The following HFM1 variants were observed in gnomAD, a reference collection of about 807,000 sequenced individuals.
HFM1 encodes the protein helicase for meiosis 1, also known as probable ATP-dependent DNA helicase HFM1.
A neutral mutation model predicts 192.1 loss-of-function variants in HFM1; 169 were observed. The observed-to-expected ratio is 0.88, with a 90% CI of 0.78 to 1.00. The LOEUF is 1.00. Ranked by LOEUF, HFM1 falls within the 50% of genes least tolerant of loss-of-function variation. The pLI is 0.00. For missense variants in HFM1, 1,661 were observed against 1,668.0 expected (o/e 1.00, Z 0.07); for synonymous variants, 525 against 537.8 (o/e 0.98, Z 0.33).
chr1:91,284,386 G>C (rs566024913), intron 30 of HFM1, among the ~76,000 whole-genome samples: 1 of 151,874 alleles, frequency 6.6e-6, no homozygotes, highest in Non-Finnish European at 1.5e-5. Flanking sequence ...GTATTACATG[G>C]GATTACAGGT....
At chr1:91,330,323 T>C (rs1653625623) in intron 20 of HFM1, among the ~76,000 whole-genome samples, 1 of 151,978 alleles carries the variant, frequency 6.6e-6, no homozygotes, top group African/African-American at 2.4e-5. Flanking sequence ...AAGGAGGCAT[T>C]ACAACTGATA....
At chr1:91,376,596 T>C (rs1274268200) in intron 11 of HFM1, among the ~76,000 whole-genome samples, 1 of 151,572 alleles carries the variant, frequency 6.6e-6, no homozygotes, top group Non-Finnish European at 1.5e-5. Context: ...AGTATTCCAA[T>C]GTGAAAAAAA....
chr1:91,391,385 T>C (rs572522875), intron 4 of HFM1, among the ~76,000 whole-genome samples: 2 of 152,338 alleles, frequency 1.3e-5, no homozygotes, highest in South Asian at 2.1e-4. Context: ...AACAGCATGA[T>C]ACTGGTACCA....
intron 30 of HFM1, among the ~76,000 whole-genome samples, chr1:91,306,522 T>TCTC (rs1649640172): frequency 6.6e-6 from 1 of 152,156 alleles, no homozygotes; most frequent in Non-Finnish European, 1.5e-5. Flanking sequence ...ATGGTAAGCC[T>TCTC]CTCCTGCATA....
In HFM1 at chr1:91,353,280, A is replaced by C; in HGVS notation, c.1705T>G (p.Ser569Ala). 6.3e-7 allele frequency: 1 copy of C among 1,577,110 alleles called. No homozygotes were observed. Among genetic ancestry groups the C allele is most frequent in the South Asian group, 1.1e-5 (1 of 89,426 alleles). The change falls in exon 14 of 39, where the codon TCC (serine) becomes GCC (alanine). Residue 569 changes from serine (S) to alanine (A), a missense_variant. Transcript: ENST00000370425. Reference protein sequence around the residue: ...QKQRLQKYAYSVRDSKLRDIL... With the variant: ...QKQRLQKYAYAVRDSKLRDIL... ...CCTCTCAGTTTTGAATCTCTTACGG[A>C]ATATGCATACTTCTGTAACCTATTT...
chr1:91,364,632 A>ATATATTTTTT (rs753472335), intron 13 of HFM1, among the ~76,000 whole-genome samples: 25 of 66,780 alleles, frequency 3.7e-4, no homozygotes, highest in African/African-American at 9.0e-4. Flanking sequence ...ATATATATAT[A>ATATATTTTTT]TTTTTTTTTT....
At chr1:91,271,118 C>T (rs905739579) in intron 34 of HFM1, among the ~76,000 whole-genome samples, 2 of 152,006 alleles carry the variant, frequency 1.3e-5, no homozygotes, top group South Asian at 2.1e-4. Flanking sequence ...AGGTATACAA[C>T]GACCCAATCG....
At chr1:91,301,374 A>T (rs1373936362) in intron 30 of HFM1, among the ~76,000 whole-genome samples, 2 of 137,072 alleles carry the variant, frequency 1.5e-5, no homozygotes, top group Admixed American at 7.7e-5. Context: ...TAATTTATAG[A>T]TACAATGCCA....
intron 28 of HFM1, among the ~76,000 whole-genome samples, chr1:91,315,220 A>G (rs538782857): frequency 2.1e-4 from 32 of 152,356 alleles, no homozygotes; most frequent in African/African-American, 7.7e-4. Context: ...CAATATTTGG[A>G]ACCTACTAAG....
Position 91,380,105 on chromosome 1 carries a change from G to T in HFM1, c.1005C>A (p.Tyr335Ter). Residue 335 changes from tyrosine (Y) to a stop codon, truncating the protein, a stop_gained and splice_region_variant, in exon 8 of 39, where the codon TAC becomes TAA. Coordinates refer to ENST00000370425, the MANE Select transcript of HFM1 (RefSeq NM_001017975.6). LOFTEE classifies it high-confidence loss of function. ...ATCACTCTTATAATAAATACTTACTGTAAACAATTTTAATATTCAACCATG... is the reference window on the plus strand; with the variant it reads ...ATCACTCTTATAATAAATACTTACTTTAAACAATTTTAATATTCAACCATG... ...PLPWLNIKIVYMAPIKALCSQ... is the reference protein window; with the variant it reads ...PLPWLNIKIV 7.4e-7 allele frequency: 1 copy of T among 1,349,418 alleles called. No homozygotes were observed. Among genetic ancestry groups the T allele is most frequent in the South Asian group, 1.4e-5 (1 of 69,884 alleles). The allele number at this position is 1,349,418 out of a possible 1,614,324, so 83.6% of individuals were successfully genotyped here. A position where few individuals can be genotyped will look rare whatever the true frequency, so the allele number is the denominator to read the frequency against.
chr1:91,373,397 A>C (rs1245694587), intron 13 of HFM1, among the ~76,000 whole-genome samples: 1 of 152,196 alleles, frequency 6.6e-6, no homozygotes, highest in Admixed American at 6.6e-5. Context: ...ACTGATTTCC[A>C]GAAGTTATTA....
intron 20 of HFM1, among the ~76,000 whole-genome samples, chr1:91,328,193 AG>A (rs2101455192): frequency 6.6e-6 from 1 of 152,366 alleles, no homozygotes; most frequent in Admixed American, 6.5e-5. Context: ...TTTCTAGAAA[AG>A]GTTAACAAAA....
chr1:91,278,961 T>C (rs1329176409), intron 30 of HFM1, among the ~76,000 whole-genome samples: 1 of 151,450 alleles, frequency 6.6e-6, no homozygotes. Flanking sequence ...TAATGAAACA[T>C]CCCCCTCTTC....
rs546156770 is a variant in HFM1 at position 91,350,761 on chromosome 1, G to T, written c.2183C>A (p.Ala728Asp). 1.9e-6 allele frequency: 3 copies of T among 1,610,734 alleles called. No individual in the cohort carries two copies. Among genetic ancestry groups the T allele is most frequent in the Non-Finnish European group, 2.5e-6 (3 of 1,178,614 alleles). ...ACCATAATGAGATGGATTTTTCAAGGCTCTGATATAAAGCAGAGTTGATCG... is the reference window on the plus strand; with the variant it reads ...ACCATAATGAGATGGATTTTTCAAGTCTCTGATATAAAGCAGAGTTGATCG... Reference protein sequence around the residue: ...WIRSTLLYIRALKNPSHYGFA... With the variant: ...WIRSTLLYIRDLKNPSHYGFA... Residue 728 changes from alanine (A) to aspartate (D), a missense_variant, in exon 18 of 39, where the codon GCC becomes GAC. Transcript: ENST00000370425.
chr1:91,330,816 G>T (rs918456740), intron 20 of HFM1, among the ~76,000 whole-genome samples: 1 of 152,064 alleles, frequency 6.6e-6, no homozygotes, highest in Non-Finnish European at 1.5e-5. Context: ...GACCAAGTGG[G>T]GTTTATCCCA....
chr1:91,277,624 T>TATATACTA (rs1666973551), intron 30 of HFM1, among the ~76,000 whole-genome samples: 1 of 129,862 alleles, frequency 7.7e-6, no homozygotes, highest in African/African-American at 2.9e-5. Context: ...TATATACTAA[T>TATATACTA]ATATATAATA....
At chr1:91,319,541 G>T (rs1651779903) in intron 23 of HFM1, 151 bp from the exon 24 acceptor site, 1 of 530,824 alleles carries the variant, frequency 1.9e-6, no homozygotes, top group Non-Finnish European at 3.3e-6. Context: ...TATTATTGCA[G>T]GTCAATAATA....
intron 6 of HFM1, among the ~76,000 whole-genome samples, chr1:91,383,919 A>G (rs1485237234): frequency 2.8e-5 from 1 of 35,186 alleles, no homozygotes; most frequent in African/African-American, 1.0e-4. Context: ...ATCATGTTGT[A>G]CTCCTTAAAA....
chr1:91,374,409 A>G (rs1188987408), intron 13 of HFM1, among the ~76,000 whole-genome samples: 1 of 152,196 alleles, frequency 6.6e-6, no homozygotes, highest in African/African-American at 2.4e-5. Context: ...GCTGGATAAG[A>G]GAGTGTGTGT....
Sources: allele counts gnomAD v4.1 joint callset (sites outside exome capture counted in the v4.1 genomes callset), GRCh38; gene constraint gnomAD v4.1.1; transcripts MANE v1.5; gene names NCBI Gene and HGNC (gene_info 2026-07-23, HGNC 2026-07-21).